DNAJB6: variants seen among roughly 807,000 people sequenced by gnomAD.
DNAJB6 encodes the protein dnaJ homolog subfamily B member 6.
DNAJB6 carries 16 observed loss-of-function variants against 42.7 expected under a neutral mutation model. That is an observed-to-expected ratio of 0.37 (90% CI 0.25 to 0.57). The LOEUF (loss-of-function observed/expected upper bound fraction) is 0.57. Ranked by LOEUF, DNAJB6 falls within the 20% of genes least tolerant of loss-of-function variation. The pLI, the probability that DNAJB6 is intolerant of heterozygous loss-of-function variation, is 0.74. For missense variants in DNAJB6, 347 were observed against 416.8 expected, an observed-to-expected ratio of 0.83 and a Z score of 1.46; for synonymous variants, 170 against 163.5, an observed-to-expected ratio of 1.04 and a Z score of -0.30.
At chr7:157,406,942 G>T (rs1795790966) in intron 8 of DNAJB6, among the ~76,000 whole-genome samples, 1 of 152,196 alleles carries the variant, frequency 6.6e-6, no homozygotes, top group Non-Finnish European at 1.5e-5. Flanking sequence ...GGGCTTTGAG[G>T]GCGGGAAGCC....
chr7:157,358,826 TAGTC>T (rs1323477433), intron 2 of DNAJB6, among the ~76,000 whole-genome samples, 189 bp downstream of exon 2: 45 of 152,360 alleles, frequency 3.0e-4, no homozygotes, highest in African/African-American at 1.1e-3. Flanking sequence ...TGCTCTTCAT[TAGTC>T]AGTCACTTGG....
At chr7:157,342,918 G>A (rs571820350) in intron 1 of DNAJB6, among the ~76,000 whole-genome samples, 8 of 151,210 alleles carry the variant, frequency 5.3e-5, no homozygotes, top group Non-Finnish European at 1.2e-4. Context: ...TAGGTGATGT[G>A]TGTGATAAGG....
At chr7:157,362,826 T>C (rs905324826) in intron 2 of DNAJB6, among the ~76,000 whole-genome samples, 1 of 152,240 alleles carries the variant, frequency 6.6e-6, no homozygotes, top group African/African-American at 2.4e-5. Context: ...ACAATTTTAA[T>C]TTTGAGACAG....
chr7:157,409,226 G>A (rs1219075131), intron 8 of DNAJB6, among the ~76,000 whole-genome samples: 1 of 152,162 alleles, frequency 6.6e-6, no homozygotes, highest in East Asian at 1.9e-4. Context: ...TGAGAAGCCG[G>A]CCCGTCTTGG....
intron 2 of DNAJB6, among the ~76,000 whole-genome samples, chr7:157,360,859 A>G (rs777758221): frequency 6.6e-6 from 1 of 152,112 alleles, no homozygotes; most frequent in Non-Finnish European, 1.5e-5. Context: ...CTTGGTGCTG[A>G]AGTACTGGTG....
intron 8 of DNAJB6, among the ~76,000 whole-genome samples, chr7:157,387,153 A>T (rs1801106507): frequency 6.6e-6 from 1 of 152,234 alleles, no homozygotes; most frequent in Admixed American, 6.5e-5. Context: ...GCCCTTAAGC[A>T]ACCTCACGTG....
At chr7:157,356,567 T>C (rs570312424) in intron 1 of DNAJB6, among the ~76,000 whole-genome samples, 1 of 152,334 alleles carries the variant, frequency 6.6e-6, no homozygotes, top group African/African-American at 2.4e-5. Flanking sequence ...ACTTATTACA[T>C]GAAGTCCCTA....
At chr7:157,388,419 A>G (rs934006296) in intron 8 of DNAJB6, among the ~76,000 whole-genome samples, 4 of 152,190 alleles carry the variant, frequency 2.6e-5, no homozygotes, top group African/African-American at 9.7e-5. Context: ...GGTAAATTCA[A>G]CAGTCTCTTT....
intron 1 of DNAJB6, 75 bp from the exon 2 acceptor site, chr7:157,358,472 C>A: frequency 1.0e-6 from 1 of 963,008 alleles, no homozygotes; most frequent in South Asian, 1.4e-5. Context: ...CTTCCTCCCT[C>A]TCCAGACCCA....
chr7:157,384,822 G>A, intron 6 of DNAJB6, 45 bp from the exon 7 acceptor site: 1 of 1,585,432 alleles, frequency 6.3e-7, no homozygotes, highest in Non-Finnish European at 8.6e-7. Flanking sequence ...TGCATTACTA[G>A]TTGACATATT....
At chr7:157,367,118 T>C (rs184061275) in intron 4 of DNAJB6, among the ~76,000 whole-genome samples, 62 of 152,366 alleles carry the variant, frequency 4.1e-4, no homozygotes, top group Non-Finnish European at 7.8e-4. Flanking sequence ...TTACATGTTA[T>C]ATGCCGATCA....
chr7:157,350,819 CTT>C (rs1398707785), intron 1 of DNAJB6, among the ~76,000 whole-genome samples: 32 of 150,396 alleles, frequency 2.1e-4, no homozygotes, highest in African/African-American at 7.1e-4. Context: ...CCTCCCGAGT[CTT>C]AGCTGGCGTT....
chr7:157,374,655 G>A (rs1355668326), intron 5 of DNAJB6, among the ~76,000 whole-genome samples: 1 of 152,136 alleles, frequency 6.6e-6, no homozygotes, highest in African/African-American at 2.4e-5. Flanking sequence ...ATACTTGGTC[G>A]TTTCAGGACC....
chr7:157,392,384 T>G (rs1159622610), intron 8 of DNAJB6, among the ~76,000 whole-genome samples: 1 of 151,742 alleles, frequency 6.6e-6, no homozygotes, highest in African/African-American at 2.4e-5. Flanking sequence ...TTGGTTTTTC[T>G]TTTGTTCACG....
chr7:157,354,012 C>T (rs1480969352), intron 1 of DNAJB6, among the ~76,000 whole-genome samples: 1 of 152,090 alleles, frequency 6.6e-6, no homozygotes, highest in Non-Finnish European at 1.5e-5. Context: ...CTTGATCTAG[C>T]ATTAGCCAGT....
At chr7:157,344,156 T>C (rs1163451330) in intron 1 of DNAJB6, among the ~76,000 whole-genome samples, 1 of 152,176 alleles carries the variant, frequency 6.6e-6, no homozygotes, top group Non-Finnish European at 1.5e-5. Flanking sequence ...CTGGCTAGCA[T>C]GGTGAAACCC....
intron 1 of DNAJB6, among the ~76,000 whole-genome samples, chr7:157,343,266 TCTC>T (rs1388119176): frequency 2.0e-5 from 3 of 152,006 alleles, no homozygotes; most frequent in Non-Finnish European, 4.4e-5. Flanking sequence ...TTCAAGCAAT[TCTC>T]CTGCCTCAGG....
chr7:157,392,428 C>G (rs1309637391), intron 8 of DNAJB6, among the ~76,000 whole-genome samples: 2 of 149,546 alleles, frequency 1.3e-5, no homozygotes, highest in Non-Finnish European at 3.0e-5. Context: ...ATTATTTACA[C>G]AGATGTGTGT....
At chr7:157,402,872 CT>C (rs1795585545) in intron 8 of DNAJB6, among the ~76,000 whole-genome samples, 1 of 152,230 alleles carries the variant, frequency 6.6e-6, no homozygotes, top group Non-Finnish European at 1.5e-5. Context: ...CGGAACCCCA[CT>C]TTCTCCATCA....
Sources: gnomAD v4.1 joint callset for allele counts (sites outside exome capture counted in the v4.1 genomes callset) on GRCh38, gnomAD v4.1.1 for gene constraint, MANE v1.5 for transcripts, NCBI Gene and HGNC (gene_info 2026-07-23, HGNC 2026-07-21) for gene names.